The following KIF1A variants were observed in gnomAD, a reference collection of about 807,000 sequenced individuals.
KIF1A encodes the protein kinesin family member 1A.
Under a neutral mutation model 227.3 loss-of-function variants are expected in KIF1A, and 46 were observed. That is an observed-to-expected ratio of 0.20 (90% CI 0.16 to 0.26). The LOEUF (loss-of-function observed/expected upper bound fraction) is 0.26, where lower values mean the gene tolerates loss of function less well. Among genes scored for constraint, KIF1A ranks in the 10% least tolerant of loss-of-function variants. The pLI, the probability that KIF1A is intolerant of heterozygous loss-of-function variation, is 1.00. For synonymous variants in KIF1A, 1,022 were observed against 1,012.8 expected, an observed-to-expected ratio of 1.01 and a Z score of -0.17; for missense variants, 1,683 against 2,485.9, an observed-to-expected ratio of 0.68 and a Z score of 6.87.
chr2:240,758,447 G>A lies in KIF1A; in HGVS notation c.2495C>T (p.Pro832Leu), dbSNP rs752020189. ...GTCACAGTCCTCGATGACACTGGAG[G>A]GCACCTCTGCAGCGCGGTCGTACAT... ...REMYDRAAEV[P>L]SSVIEDCDNV... Residue 832 changes from proline (P) to leucine (L), a missense_variant, in exon 26 of 49, where the codon CCC (proline) becomes CTC (leucine). Pro to Leu is a moderately conservative substitution (Grantham distance 98, BLOSUM62 -3). Around this residue, in one of 12 missense-constraint regions of KIF1A, gnomAD observed 759 missense variants for 1,020.2 expected, o/e 0.74. Transcript: ENST00000498729. The surrounding 1 kb of genome is among the most constrained non-coding windows in gnomAD (Gnocchi z 5.2). The A allele has an allele frequency of 1.2e-6, 2 of 1,611,570 alleles. No homozygotes were observed. The highest frequency in any genetic ancestry group is 1.7e-6 in the Non-Finnish European group (2 of 1,178,756).
intron 38 of KIF1A, among the ~76,000 whole-genome samples, chr2:240,732,850 G>A (rs1273140555): frequency 1.6e-5 from 2 of 121,292 alleles, no homozygotes; most frequent in Admixed American, 1.6e-4. Context: ...AGGATAAGGG[G>A]ATGAGGGTAT....
In KIF1A at chr2:240,757,408, GTCCTCCTCCTCCTCATCC is replaced by G. The variant is rs753164575; in HGVS notation, c.2751_2768del (p.Glu917_Glu922del). The G allele has an allele frequency of 2.5e-5, 38 of 1,532,922 alleles. No individual in the cohort carries two copies. The South Asian group carries it at 3.4e-4, about 14-fold the overall frequency. The allele number at this position is 1,532,922 out of a possible 1,614,324, so 95.0% of individuals were successfully genotyped here. On this transcript the variant is annotated inframe_deletion, in exon 27 of 49. Coordinates refer to ENST00000498729, the MANE Select transcript of KIF1A (RefSeq NM_001244008.2). The surrounding 1 kb of genome is among the most constrained non-coding windows in gnomAD (Gnocchi z 6.2). ...GCTCCGGAAAGACGTCGTCCTCCAG[GTCCTCCTCCTCCTCATCC>G]TCCTCCTCCTCCTCCTCCTCCTCCT...
intron 1 of KIF1A, among the ~76,000 whole-genome samples, chr2:240,812,464 A>C (rs574224402): frequency 1.3e-4 from 20 of 152,020 alleles, no homozygotes; most frequent in African/African-American, 4.8e-4. Flanking sequence ...GTCTGCCTTC[A>C]CCTCAGGGGC....
At chr2:240,741,997 A>G (rs2125760080) in intron 34 of KIF1A, among the ~76,000 whole-genome samples, 1 of 152,208 alleles carries the variant, frequency 6.6e-6, no homozygotes. Flanking sequence ...CTCTCCTACA[A>G]ATATGGATCT....
chr2:240,811,321 C>T (rs1364856811), intron 1 of KIF1A, among the ~76,000 whole-genome samples: 25 of 152,074 alleles, frequency 1.6e-4, no homozygotes, highest in African/African-American at 5.6e-4. Flanking sequence ...GTAGAGATTG[C>T]GCCACTGCAC....
Position 240,721,004 on chromosome 2 carries a change from G to A in KIF1A, c.4778C>T (p.Pro1593Leu), listed in dbSNP as rs200902828. ...SEMSVTLLRD[P>L]SMSPLGVATL... ...GGCCACCCCTAGAGGGGACATCGAC[G>A]GGTCCCGGAGCAGGGTGACAGACAT... Residue 1593 changes from proline to leucine, a missense_variant, in exon 45 of 49, where the codon CCG (proline) becomes CTG (leucine). Pro to Leu is a moderately conservative substitution (Grantham distance 98, BLOSUM62 -3). Transcript: ENST00000498729. 494 of 1,611,096 alleles carry A rather than the reference G, an allele frequency of 3.1e-4. 1 individual carries two copies. Among genetic ancestry groups the A allele is most frequent in the Admixed American group, 8.4e-4 (50 of 59,832 alleles).
At chr2:240,805,000 G>T (rs949263099) in intron 1 of KIF1A, among the ~76,000 whole-genome samples, 1 of 146,794 alleles carries the variant, frequency 6.8e-6, no homozygotes. Context: ...AAAAGGAGAG[G>T]AGAGAAGAAG....
rs1224501249 is a variant in KIF1A at position 240,779,412 on chromosome 2, C to T, written c.882+3178G>A. 1.3e-5 allele frequency among the ~76,000 whole-genome samples: 2 copies of T among 148,706 alleles called. 1 individual carries two copies. Among genetic ancestry groups the T allele is most frequent in the African/African-American group, 5.2e-5 (2 of 38,766 alleles). ...GTTCCACACTCAGTTCCTCATCGTT[C>T]CACACTCAGGTCCTCACTCACTTCC... On this transcript the variant is annotated intron_variant, in intron 10 of 48. Transcript: ENST00000498729.
Position 240,768,388 on chromosome 2 carries a change from G to A in KIF1A, c.1497+745C>T, listed in dbSNP as rs145748321. On this transcript the variant is annotated intron_variant, in intron 17 of 48. Transcript: ENST00000498729. Reference sequence around the variant, plus strand: ...CTCTTCTCAGGCCCTTCCTGTCTCCGGACCTCAGCGCGTGCTGGGCCGGCG... The same window carrying A: ...CTCTTCTCAGGCCCTTCCTGTCTCCAGACCTCAGCGCGTGCTGGGCCGGCG... Among the ~76,000 whole-genome samples the A allele has an allele frequency of 1.4e-3, 213 of 152,338 alleles. 2 individuals are homozygous for A. The highest frequency in any genetic ancestry group is 4.8e-3 in the African/African-American group (199 of 41,578).
At chr2:240,787,428 C>T in intron 4 of KIF1A, 112 bp from the exon 5 acceptor site, 3 of 826,030 alleles carry the variant, frequency 3.6e-6, no homozygotes, top group Admixed American at 1.8e-5. Context: ...CCTCTCAGGC[C>T]CCTCTTGCAC....
chr2:240,758,308 CATCTCTCTCTCTCA>C lies in KIF1A; in HGVS notation c.2582+38_2582+51del, dbSNP rs944908619. On this transcript the variant is annotated intron_variant, in intron 26 of 48. Coordinates refer to ENST00000498729, the MANE Select transcript of KIF1A (RefSeq NM_001244008.2). The surrounding 1 kb of genome is among the most constrained non-coding windows in gnomAD (Gnocchi z 5.2). ...CAGGGCCCACTCCTACCCCCACTGC[CATCTCTCTCTCTCA>C]ATCTCTCTCTCTGCCAAGGAAGGGA... 3 of 1,572,214 alleles carry C rather than the reference CATCTCTCTCTCTCA, an allele frequency of 1.9e-6. No homozygotes were observed. The highest frequency in any genetic ancestry group is 2.6e-6 in the Non-Finnish European group (3 of 1,157,738).
chr2:240,729,388 C>T (rs997589829), intron 38 of KIF1A, among the ~76,000 whole-genome samples: 1 of 152,220 alleles, frequency 6.6e-6, no homozygotes, highest in Non-Finnish European at 1.5e-5. Flanking sequence ...TCTTTCCCAG[C>T]ATCAGCACCT....
chr2:240,794,008 C>T (rs1030234836), intron 2 of KIF1A, among the ~76,000 whole-genome samples: 8 of 152,214 alleles, frequency 5.3e-5, no homozygotes, highest in African/African-American at 1.7e-4. Context: ...TCACCAGGGA[C>T]GGTGGCTCCT....
intron 38 of KIF1A, among the ~76,000 whole-genome samples, chr2:240,729,081 T>G (rs560270787): frequency 4.6e-5 from 7 of 152,214 alleles, no homozygotes; most frequent in Admixed American, 6.5e-5. Context: ...GTACATGTCA[T>G]CATCACTGTC....
intron 28 of KIF1A, among the ~76,000 whole-genome samples, chr2:240,749,076 G>A (rs922970188): frequency 9.9e-5 from 15 of 151,374 alleles, no homozygotes; most frequent in African/African-American, 3.4e-4. Flanking sequence ...ACAGTGAGCC[G>A]AGATCCAGCC....
At chr2:240,797,622 C>G (rs375104071) in intron 2 of KIF1A, 25 bp downstream of exon 2, 5 of 1,542,414 alleles carry the variant, frequency 3.2e-6, no homozygotes, top group Non-Finnish European at 4.5e-6. Context: ...TGGCCGACCC[C>G]GATGCTGTGC....
At chr2:240,761,740 T>A (rs2050555296) in intron 23 of KIF1A, among the ~76,000 whole-genome samples, 1 of 152,090 alleles carries the variant, frequency 6.6e-6, no homozygotes. Flanking sequence ...CATGAAAAGC[T>A]CTGCATGCCC....
In KIF1A at chr2:240,737,176, A is replaced by G. The variant is rs1399134463; in HGVS notation, c.3902-8T>C. The G allele has an allele frequency of 6.2e-7, 1 of 1,612,092 alleles. No individual in the cohort carries two copies. Among genetic ancestry groups the G allele is most frequent in the Non-Finnish European group, 8.5e-7 (1 of 1,178,398 alleles). On this transcript the variant is annotated splice_region_variant and splice_polypyrimidine_tract_variant and intron_variant, in intron 37 of 48. Transcript: ENST00000498729. ...GAGTGTTTCGGATGCGGCCTGCAGA[A>G]AAGGCAACGGGCCACAGGTCACTTC...
chr2:240,742,552 C>G (rs947585719), intron 34 of KIF1A, among the ~76,000 whole-genome samples: 19 of 152,192 alleles, frequency 1.2e-4, no homozygotes, highest in East Asian at 3.8e-4. Flanking sequence ...CCGACTGACC[C>G]CACACTCTCG....
Sources: allele counts gnomAD v4.1 joint callset (sites outside exome capture counted in the v4.1 genomes callset), GRCh38; gene constraint gnomAD v4.1.1; regional missense constraint gnomAD v4.1.1; non-coding constraint Gnocchi (gnomAD v3.1); transcripts MANE v1.5; gene names NCBI Gene and HGNC (gene_info 2026-07-23, HGNC 2026-07-21).